The following ALG9 variants were observed in gnomAD, a reference collection of about 807,000 sequenced individuals.
ALG9 encodes the protein alpha-1,2-mannosyltransferase ALG9.
A neutral mutation model predicts 81.8 loss-of-function variants in ALG9; 55 were observed. That is an observed-to-expected ratio of 0.67 (90% CI 0.54 to 0.84). ALG9 has a LOEUF of 0.84. ALG9 is among the 40% of genes least tolerant of loss of function. The pLI is 0.00. For missense variants in ALG9, 629 were observed against 745.0 expected, an observed-to-expected ratio of 0.84 and a Z score of 1.81; for synonymous variants, 278 against 274.3, an observed-to-expected ratio of 1.01 and a Z score of -0.13.
intron 13 of ALG9, chr11:111,817,255 C>T (rs1951630148): frequency 6.6e-6 from 1 of 152,280 alleles, no homozygotes; most frequent in Admixed American, 6.5e-5. Context: ...GAGGCCTATA[C>T]TAGCTATGCT....
intron 13 of ALG9, among the ~76,000 whole-genome samples, chr11:111,835,059 T>C (rs778757621): frequency 6.8e-4 from 103 of 151,444 alleles, no homozygotes; most frequent in Non-Finnish European, 1.1e-3. Context: ...AGCCCCAATC[T>C]GGGAGACAAA....
chr11:111,862,544 C>G (rs1251457848), intron 4 of ALG9, among the ~76,000 whole-genome samples: 1 of 151,598 alleles, frequency 6.6e-6, no homozygotes, highest in African/African-American at 2.4e-5. Context: ...GTGGCTTACA[C>G]ATTTCTTAAC....
intron 12 of ALG9, among the ~76,000 whole-genome samples, chr11:111,837,265 T>C (rs1215097879): frequency 6.6e-6 from 1 of 152,186 alleles, no homozygotes; most frequent in African/African-American, 2.4e-5. Flanking sequence ...AATGTCTACC[T>C]AGACCCAGCC....
At chr11:111,814,426 C>A (rs1298264988) in intron 13 of ALG9, among the ~76,000 whole-genome samples, 1 of 152,110 alleles carries the variant, frequency 6.6e-6, no homozygotes, top group Non-Finnish European at 1.5e-5. Flanking sequence ...GGGGGAGCTC[C>A]TGGGTGCTGG....
intron 14 of ALG9, among the ~76,000 whole-genome samples, chr11:111,805,644 G>A (rs536670875): frequency 1.3e-4 from 20 of 152,302 alleles, no homozygotes; most frequent in East Asian, 3.9e-4. Flanking sequence ...GTGGTTGTCC[G>A]GGAATGTAGT....
intron 14 of ALG9, among the ~76,000 whole-genome samples, chr11:111,794,836 G>A (rs1351090410): frequency 6.6e-6 from 1 of 152,184 alleles, no homozygotes; most frequent in Non-Finnish European, 1.5e-5. Flanking sequence ...AACCTTTAGT[G>A]CAGAACTTGG....
chr11:111,850,012 A>G (rs1444523474), intron 8 of ALG9, among the ~76,000 whole-genome samples: 1 of 152,216 alleles, frequency 6.6e-6, no homozygotes, highest in East Asian at 1.9e-4. Flanking sequence ...AAGACATGCT[A>G]TCTCGCTGTC....
At chr11:111,818,895 A>G (rs1187893859) in intron 13 of ALG9, among the ~76,000 whole-genome samples, 2 of 152,194 alleles carry the variant, frequency 1.3e-5, no homozygotes, top group African/African-American at 4.8e-5. Flanking sequence ...GAGACAAAAA[A>G]CAAACAGAGA....
At position 111,822,538 on chromosome 11, in the gene ALG9, C is replaced by T. The variant is rs370955638; in HGVS notation, c.1603-12765G>A. ...ACCAACCTGGGCAAAATAGTGAGAC[C>T]TCGTCTCTACAAAAAATACAAAAAT... is the stretch of plus-strand genomic sequence containing the variant. On this transcript the variant is annotated intron_variant, in intron 13 of 14. Transcript: ENST00000616540. 9.7e-4 allele frequency among the ~76,000 whole-genome samples: 147 copies of T among 151,906 alleles called. 2 individuals are homozygous for T. The East Asian group carries it at 0.027, about 28-fold the overall frequency.
intron 14 of ALG9, among the ~76,000 whole-genome samples, chr11:111,792,253 C>A (rs1947552768): frequency 6.6e-6 from 1 of 152,200 alleles, no homozygotes; most frequent in Non-Finnish European, 1.5e-5. Flanking sequence ...CCCTCCCCCA[C>A]AAAACACACC....
At chr11:111,859,405 G>C (rs1444401431) in intron 5 of ALG9, among the ~76,000 whole-genome samples, 1 of 151,942 alleles carries the variant, frequency 6.6e-6, no homozygotes, top group Non-Finnish European at 1.5e-5. Flanking sequence ...AGGAGCCTGA[G>C]GCAAGAGAAT....
At chr11:111,854,739 C>T (rs1958402276) in intron 6 of ALG9, among the ~76,000 whole-genome samples, 1 of 152,204 alleles carries the variant, frequency 6.6e-6, no homozygotes, top group Non-Finnish European at 1.5e-5. Flanking sequence ...TTCCATAGCA[C>T]CTGTATTTCT....
intron 14 of ALG9, among the ~76,000 whole-genome samples, chr11:111,787,617 C>T (rs1190815684): frequency 2.0e-5 from 3 of 151,294 alleles, no homozygotes; most frequent in Admixed American, 6.6e-5. Flanking sequence ...CCACCACGAC[C>T]GGCTAATTTT....
intron 8 of ALG9, 72 bp from the exon 9 acceptor site, chr11:111,844,795 T>C (rs1278221838): frequency 2.0e-6 from 3 of 1,519,774 alleles, no homozygotes; most frequent in Non-Finnish European, 2.7e-6. Context: ...TGACATATAA[T>C]GTTCTTTGTT....
intron 14 of ALG9, among the ~76,000 whole-genome samples, chr11:111,786,735 A>C (rs539596572): frequency 6.6e-6 from 1 of 152,310 alleles, no homozygotes; most frequent in African/African-American, 2.4e-5. Flanking sequence ...TATTGTCCCT[A>C]ATAAGCCACA....
chr11:111,839,601 A>AAAG (rs1566000473), intron 10 of ALG9, among the ~76,000 whole-genome samples: 2 of 94,248 alleles, frequency 2.1e-5, no homozygotes, highest in African/African-American at 4.5e-5. Context: ...AAAAAAAAAA[A>AAAG]GGGGGGGGGG....
chr11:111,830,959 C>CACT (rs1954250216), intron 13 of ALG9, among the ~76,000 whole-genome samples: 1 of 152,086 alleles, frequency 6.6e-6, no homozygotes, highest in South Asian at 2.1e-4. Context: ...TCACTTGAAG[C>CACT]CTGGAGTTCG....
intron 13 of ALG9, among the ~76,000 whole-genome samples, 178 bp from the exon 14 acceptor site, chr11:111,809,951 A>G (rs1292996584): frequency 1.3e-5 from 2 of 152,074 alleles, no homozygotes; most frequent in East Asian, 3.9e-4. Flanking sequence ...CTTGTGGGGG[A>G]GAGGCACACT....
intron 6 of ALG9, among the ~76,000 whole-genome samples, chr11:111,856,328 A>C (rs1353551037): frequency 5.3e-5 from 8 of 151,212 alleles, no homozygotes; most frequent in African/African-American, 1.9e-4. Context: ...AGCATTGGTT[A>C]TAACAGTAAA....
Sources: allele counts gnomAD v4.1 joint callset (sites outside exome capture counted in the v4.1 genomes callset), GRCh38; gene constraint gnomAD v4.1.1; transcripts MANE v1.5; gene names NCBI Gene and HGNC (gene_info 2026-07-23, HGNC 2026-07-21).